The following LONRF3 variants were observed in gnomAD, a reference collection of about 807,000 sequenced individuals.
The protein encoded by LONRF3 is LON peptidase N-terminal domain and ring finger 3.
LONRF3 carries 19 observed loss-of-function variants against 51.7 expected under a neutral mutation model. The ratio of observed to expected loss-of-function variants is 0.37; its 90% CI spans 0.26 to 0.54. The LOEUF (loss-of-function observed/expected upper bound fraction) is 0.54. LONRF3 is among the 20% of genes least tolerant of loss of function. The probability of loss-of-function intolerance (pLI) is 0.86; values close to 1 mark genes in which losing one functional copy is unlikely to be tolerated. For missense variants in LONRF3, 521 were observed against 623.9 expected (o/e 0.84, Z 1.76); for synonymous variants, 265 against 257.8 (o/e 1.03, Z -0.27).
intron 3 of LONRF3, among the ~76,000 whole-genome samples, chrX:118,988,555 T>C (rs979602603): frequency 5.4e-5 from 6 of 111,269 alleles, no homozygotes; most frequent in African/African-American, 2.0e-4. Flanking sequence ...TTCTCCCAGC[T>C]ATATGCTCCC....
chrX:119,009,484 C>T (rs184329250), intron 7 of LONRF3, among the ~76,000 whole-genome samples: 15 of 111,923 alleles, frequency 1.3e-4, no homozygotes, highest in African/African-American at 4.2e-4. Flanking sequence ...TAAGCGAAAC[C>T]AGTGATGAGG....
At chrX:119,017,196 C>G (rs1341081623) in intron 10 of LONRF3, among the ~76,000 whole-genome samples, 1 of 111,555 alleles carries the variant, frequency 9.0e-6, no homozygotes, top group Non-Finnish European at 1.9e-5. Context: ...CGTCCATGTT[C>G]TAGCTAGGGG....
intron 5 of LONRF3, among the ~76,000 whole-genome samples, chrX:118,998,007 C>A (rs1923992813): frequency 8.9e-6 from 1 of 112,320 alleles, no homozygotes; most frequent in Non-Finnish European, 1.9e-5. Context: ...ACAGGGAACA[C>A]TTCTACACTG....
chrX:119,016,322 C>T (rs981623169), intron 10 of LONRF3, among the ~76,000 whole-genome samples: 3 of 102,212 alleles, frequency 2.9e-5, no homozygotes, highest in Non-Finnish European at 6.0e-5. Context: ...AATCTAGGGG[C>T]AGAATATATT....
intron 10 of LONRF3, among the ~76,000 whole-genome samples, chrX:119,014,715 T>A (rs1244550382): frequency 1.8e-5 from 2 of 111,312 alleles, no homozygotes; most frequent in South Asian, 3.8e-4. Context: ...GGCCAGGACT[T>A]AAGAGAAGGG....
intron 9 of LONRF3, among the ~76,000 whole-genome samples, chrX:119,013,959 T>G (rs1291356824): frequency 8.9e-6 from 1 of 112,010 alleles, no homozygotes; most frequent in African/African-American, 3.2e-5. Flanking sequence ...TCTGGTTTTC[T>G]GCATGTTTTG....
intron 5 of LONRF3, among the ~76,000 whole-genome samples, chrX:119,003,281 C>T (rs184051552): frequency 9.0e-6 from 1 of 111,536 alleles, no homozygotes; most frequent in African/African-American, 3.3e-5. Context: ...TCAGCACCCC[C>T]GCCTCAAGTA....
intron 5 of LONRF3, among the ~76,000 whole-genome samples, chrX:118,994,495 C>T (rs977772828): frequency 3.6e-5 from 4 of 110,527 alleles, no homozygotes; most frequent in Non-Finnish European, 7.6e-5. Context: ...CATTCGCCAC[C>T]GGGTTCAAGC....
At chrX:118,978,998 C>CTTTTTTTTTTTT (rs36016675) in intron 2 of LONRF3, among the ~76,000 whole-genome samples, 3 of 56,119 alleles carry the variant, frequency 5.3e-5, no homozygotes, top group Non-Finnish European at 6.0e-5. Flanking sequence ...TGTTTTCTTT[C>CTTTTTTTTTTTT]TTTTTTTTTT....
At chrX:118,999,506 G>T (rs763985049) in intron 5 of LONRF3, among the ~76,000 whole-genome samples, 1 of 112,052 alleles carries the variant, frequency 8.9e-6, no homozygotes, top group Non-Finnish European at 1.9e-5. Context: ...GGTCTTTGTT[G>T]TGCGTATCCT....
intron 8 of LONRF3, among the ~76,000 whole-genome samples, chrX:119,012,432 C>T (rs1212015550): frequency 9.0e-6 from 1 of 110,694 alleles, no homozygotes; most frequent in Non-Finnish European, 1.9e-5. Context: ...CTTCCTTAGT[C>T]CATTTTGTGC....
At chrX:118,979,821 G>T (rs1449713016) in intron 2 of LONRF3, among the ~76,000 whole-genome samples, 2 of 111,369 alleles carry the variant, frequency 1.8e-5, no homozygotes, top group African/African-American at 3.3e-5. Flanking sequence ...GGTCACATGG[G>T]GGGTGAGAAG....
intron 8 of LONRF3, 82 bp downstream of exon 8, chrX:119,012,055 G>T: frequency 9.7e-7 from 1 of 1,026,829 alleles, no homozygotes; most frequent in Non-Finnish European, 1.3e-6. Flanking sequence ...CAGGAGACAG[G>T]GAGGCCTAGC....
intron 5 of LONRF3, among the ~76,000 whole-genome samples, chrX:119,000,999 G>A (rs1852846467): frequency 9.0e-6 from 1 of 111,219 alleles, no homozygotes; most frequent in Non-Finnish European, 1.9e-5. Context: ...TTCCAGACAA[G>A]CCAAACATTT....
intron 2 of LONRF3, 55 bp downstream of exon 2, chrX:118,978,518 AGGAAGG>A: frequency 1.2e-6 from 1 of 824,109 alleles, no homozygotes; most frequent in Non-Finnish European, 1.8e-6. Context: ...AGGTATTGGC[AGGAAGG>A]GCTGCCTCCC....
At chrX:119,014,097 C>T in intron 9 of LONRF3, 110 bp from the exon 10 acceptor site, 1 of 837,420 alleles carries the variant, frequency 1.2e-6, no homozygotes, top group Non-Finnish European at 1.7e-6. Context: ...ATGGGTGAGC[C>T]TTCCCATAGG....
intron 2 of LONRF3, among the ~76,000 whole-genome samples, chrX:118,981,604 G>A (rs1307393766): frequency 9.0e-6 from 1 of 111,244 alleles, no homozygotes; most frequent in African/African-American, 3.3e-5. Context: ...TATCATGCAA[G>A]CCTTTCCCAA....
At chrX:119,006,774 G>C (rs1924757642) in intron 6 of LONRF3, among the ~76,000 whole-genome samples, 1 of 111,414 alleles carries the variant, frequency 9.0e-6, no homozygotes, top group South Asian at 3.8e-4. Context: ...ATTTTTAGTA[G>C]AGACGGGGTT....
chrX:118,975,295 C>G lies in LONRF3; in HGVS notation c.515C>G (p.Ser172Trp), dbSNP rs1248246342. The change falls in exon 1 of 11, where the codon TCG (serine) becomes TGG (tryptophan). Residue 172 changes from serine (S) to tryptophan (W), a missense_variant. Physicochemically the swap from Ser to Trp is radical, Grantham distance 177 (BLOSUM62 -3). This residue lies in a region of LONRF3 where 376 missense variants were observed against 376.7 expected (regional missense o/e 1.00). Transcript: ENST00000371628. ...TTTCTATCAGACCCCGTGTCCTTGTCGTGTGGCCACACCTTTTGTAAACTG... is the reference window on the plus strand; with the variant it reads ...TTTCTATCAGACCCCGTGTCCTTGTGGTGTGGCCACACCTTTTGTAAACTG... ...HGFLSDPVSL[S>W]CGHTFCKLCL... 25 of 1,209,130 alleles carry G rather than the reference C, an allele frequency of 2.1e-5. No individual in the cohort carries two copies. The Admixed American group carries it at 5.4e-4, about 26-fold the overall frequency.
Sources: allele counts gnomAD v4.1 joint callset (sites outside exome capture counted in the v4.1 genomes callset), GRCh38; gene constraint gnomAD v4.1.1; regional missense constraint gnomAD v4.1.1; transcripts MANE v1.5; gene names NCBI Gene and HGNC (gene_info 2026-07-23, HGNC 2026-07-21).